F2: variants seen among roughly 807,000 people sequenced by gnomAD.
F2 encodes the protein prothrombin.
F2 carries 34 observed loss-of-function variants against 81.9 expected under a neutral mutation model. That is an observed-to-expected ratio of 0.42 (90% CI 0.32 to 0.55). The LOEUF (loss-of-function observed/expected upper bound fraction) is 0.55. Ranked by LOEUF, F2 falls within the 20% of genes least tolerant of loss-of-function variation. The pLI is 0.18. For missense variants in F2, 630 were observed against 833.4 expected, an observed-to-expected ratio of 0.76 and a Z score of 3.00; for synonymous variants, 296 against 326.4, an observed-to-expected ratio of 0.91 and a Z score of 1.01.
intron 12 of F2, among the ~76,000 whole-genome samples, chr11:46,730,527 C>T (rs1400396842): frequency 7.0e-6 from 1 of 143,450 alleles, no homozygotes. Flanking sequence ...TGAGGAGGGG[C>T]AGCAGTGGGT....
chr11:46,730,801 C>CATATATATATATATATATAT (rs1555157927), intron 12 of F2, among the ~76,000 whole-genome samples: 10 of 135,622 alleles, frequency 7.4e-5, no homozygotes, highest in South Asian at 2.3e-4. Flanking sequence ...TATATATATG[C>CATATATATATATATATATAT]ATAGTTTGAG....
At chr11:46,725,346 G>A (rs1409237096) in intron 6 of F2, among the ~76,000 whole-genome samples, 1 of 152,138 alleles carries the variant, frequency 6.6e-6, no homozygotes. Context: ...TGGGATTACA[G>A]GTGTAAGCCA....
In F2 at chr11:46,728,159, A is replaced by G. The variant is rs763578829; in HGVS notation, c.1294A>G (p.Thr432Ala). 3.7e-6 allele frequency: 6 copies of G among 1,607,564 alleles called. No individual in the cohort carries two copies. Among genetic ancestry groups the G allele is most frequent in the Non-Finnish European group, 5.1e-6 (6 of 1,177,608 alleles). Residue 432 changes from threonine to alanine, a missense_variant, in exon 10 of 14, where the codon ACC becomes GCC. Thr to Ala is a moderately conservative substitution (Grantham distance 58). Transcript: ENST00000311907. This position sits in a 1 kb window ranked among gnomAD's most constrained non-coding sequence, Gnocchi z 5.1. ...GGTGCGCATTGGCAAGCACTCCCGC[A>G]CCAGGTACAGAACTGGTGGCCCGTG... ...LLVRIGKHSR[T>A]RYERNIEKIS... is the part of the protein sequence containing the mutation.
rs2064829955 is a variant in F2 at position 46,720,567 on chromosome 11, T to TGCCCCAGGAAGGGAGGCCTGGGG, written c.265+21_265+43dup. 6.2e-7 allele frequency: 1 copy of TGCCCCAGGAAGGGAGGCCTGGGG among 1,613,986 alleles called. No individual in the cohort carries two copies. Among genetic ancestry groups the TGCCCCAGGAAGGGAGGCCTGGGG allele is most frequent in the Non-Finnish European group, 8.5e-7 (1 of 1,180,002 alleles). ...ACACAGGTGAGCACCGGGAAGGATT[T>TGCCCCAGGAAGGGAGGCCTGGGG]GCCCCAGGAAGGGAGGCCTGGGGAC... On this transcript the variant is annotated intron_variant, in intron 3 of 13. Transcript: ENST00000311907.
At chr11:46,732,588 A>G (rs938407953) in intron 12 of F2, among the ~76,000 whole-genome samples, 1 of 150,824 alleles carries the variant, frequency 6.6e-6, no homozygotes, top group Non-Finnish European at 1.5e-5. Context: ...TAGTAGAGAC[A>G]GGGTTTCACC....
chr11:46,731,979 G>A (rs576596529), intron 12 of F2, among the ~76,000 whole-genome samples: 26 of 142,658 alleles, frequency 1.8e-4, no homozygotes, highest in African/African-American at 6.3e-4. Context: ...TGTGTGGTGC[G>A]ATCTCGGCTC....
At chr11:46,729,232 G>T in intron 11 of F2, 148 bp from the exon 12 acceptor site, 1 of 832,428 alleles carries the variant, frequency 1.2e-6, no homozygotes. Flanking sequence ...CACCCGCCTC[G>T]GCCTCCCAAA....
chr11:46,739,505 G>GGAATTCTAACGTTACTGGCCGA lies in F2; in HGVS notation c.*97_*98insGAATTCTAACGTTACTGGCCGA. 3.4e-6 allele frequency: 5 copies of GGAATTCTAACGTTACTGGCCGA among 1,480,124 alleles called. No homozygotes were observed. Among genetic ancestry groups the GGAATTCTAACGTTACTGGCCGA allele is most frequent in the Non-Finnish European group, 4.7e-6 (5 of 1,070,988 alleles). 91.7% of individuals were successfully genotyped at this position (1,480,124 alleles called of 1,614,324 possible). A position where few individuals can be genotyped will look rare whatever the true frequency, so the allele number is the denominator to read the frequency against. ...GTTCCCAATAAAAGTGACTCTCAGC[G>GGAATTCTAACGTTACTGGCCGA]AGCCTCAATGCTCCCAGTGCTATTC... On this transcript the variant is annotated 3_prime_UTR_variant, in exon 14 of 14. Transcript: ENST00000311907.
In F2 at chr11:46,739,137, C is replaced by T; in HGVS notation, c.1725+19C>T. 5 of 1,613,682 alleles carry T rather than the reference C, an allele frequency of 3.1e-6. No homozygotes were observed. Among genetic ancestry groups the T allele is most frequent in the Non-Finnish European group, 4.2e-6 (5 of 1,179,564 alleles). ...CATGAAGGTAAGCTTCTCTAAAGCC[C>T]AGGGCCTGGTGAACACATCTTCTGG... On this transcript the variant is annotated intron_variant, in intron 13 of 13. Coordinates refer to ENST00000311907, the MANE Select transcript of F2 (RefSeq NM_000506.5).
chr11:46,739,167 G>A, intron 13 of F2, 49 bp downstream of exon 13: 1 of 1,613,670 alleles, frequency 6.2e-7, no homozygotes. Context: ...TTCTGGGGGT[G>A]GGGAGAAACT....
intron 12 of F2, among the ~76,000 whole-genome samples, chr11:46,735,533 G>C (rs969654926): frequency 6.6e-6 from 1 of 152,112 alleles, no homozygotes. Context: ...TGAGTTAGGA[G>C]GATTGCTTGA....
In F2 at chr11:46,723,976, G is replaced by A. The variant is rs1243310377; in HGVS notation, c.559+458G>A. Among the ~76,000 whole-genome samples the A allele has an allele frequency of 6.6e-6, 1 of 152,128 alleles. No homozygotes were observed. The highest frequency in any genetic ancestry group is 1.5e-5 in the Non-Finnish European group (1 of 68,018). On this transcript the variant is annotated intron_variant, in intron 6 of 13. Coordinates refer to ENST00000311907, the MANE Select transcript of F2 (RefSeq NM_000506.5). This position sits in a 1 kb window ranked among gnomAD's most constrained non-coding sequence, Gnocchi z 5.6. ...TGTGCCTATTGCTCAGTAAAGTCAG[G>A]GAATCAGGGGATCTGAGTGGGGGGA...
chr11:46,727,576 G>A (rs540802840), intron 9 of F2, among the ~76,000 whole-genome samples: 37 of 152,038 alleles, frequency 2.4e-4, no homozygotes, highest in Admixed American at 8.5e-4. Context: ...GCAGGAGTTC[G>A]AGGCCAGCCT....
At chr11:46,737,722 G>C (rs181251027) in intron 12 of F2, among the ~76,000 whole-genome samples, 1 of 152,174 alleles carries the variant, frequency 6.6e-6, no homozygotes, top group Non-Finnish European at 1.5e-5. Context: ...ACGGGCGTGA[G>C]CCACTGCGCC....
chr11:46,720,463 T>G, intron 2 of F2, 60 bp from the exon 3 acceptor site: 1 of 1,601,904 alleles, frequency 6.2e-7, no homozygotes, highest in Non-Finnish European at 8.6e-7. Flanking sequence ...GACATAACAT[T>G]TACTAAAACA....
chr11:46,738,970 C>T (rs1243991870), intron 12 of F2, 78 bp from the exon 13 acceptor site: 6 of 1,464,102 alleles, frequency 4.1e-6, no homozygotes, highest in Non-Finnish European at 5.7e-6. Context: ...AGTGGACTCT[C>T]ACCAGCTGTG....
Position 46,726,265 on chromosome 11 carries a change from T to A in F2, c.874+92T>A. ...TCTGCTTATCGAACGCTTACCTCAT[T>A]GAGTGCGCTCATTACAGCCTTACAG... On this transcript the variant is annotated intron_variant, in intron 7 of 13. Transcript: ENST00000311907. This position sits in a 1 kb window ranked among gnomAD's most constrained non-coding sequence, Gnocchi z 5.9. 2 of 1,535,634 alleles carry A rather than the reference T, an allele frequency of 1.3e-6. No homozygotes were observed. Among genetic ancestry groups the A allele is most frequent in the Middle Eastern group, 1.7e-4 (1 of 5,938 alleles).
chr11:46,739,457 A>T lies in F2; in HGVS notation c.*49A>T. On this transcript the variant is annotated 3_prime_UTR_variant, in exon 14 of 14. Coordinates refer to ENST00000311907, the MANE Select transcript of F2 (RefSeq NM_000506.5). ...CTGGAACCAATCCCGTGAAAGAATT[A>T]TTTTTGTGTTTCTAAAACTATGGTT... 2 of 1,611,480 alleles carry T rather than the reference A, an allele frequency of 1.2e-6. No homozygotes were observed. The highest frequency in any genetic ancestry group is 2.2e-5 in the East Asian group (1 of 44,860).
chr11:46,719,661 TC>T lies in F2; in HGVS notation c.80-39del. On this transcript the variant is annotated intron_variant, in intron 1 of 13. Coordinates refer to ENST00000311907, the MANE Select transcript of F2 (RefSeq NM_000506.5). This position sits in a 1 kb window ranked among gnomAD's most constrained non-coding sequence, Gnocchi z 4.7. ...CCCCAGAATGGCCAAGACTGCCTGT[TC>T]CTGAGGCCGCTGTCCCATGACCCCC... 6.4e-7 allele frequency: 1 copy of T among 1,561,354 alleles called. No homozygotes were observed. Among genetic ancestry groups the T allele is most frequent in the Non-Finnish European group, 8.7e-7 (1 of 1,153,764 alleles).
Sources: allele counts gnomAD v4.1 joint callset (sites outside exome capture counted in the v4.1 genomes callset), GRCh38; gene constraint gnomAD v4.1.1; non-coding constraint Gnocchi (gnomAD v3.1); transcripts MANE v1.5; gene names NCBI Gene and HGNC (gene_info 2026-07-23, HGNC 2026-07-21).